The following ERMAP variants were observed in gnomAD, a reference collection of about 807,000 sequenced individuals.
The protein encoded by ERMAP is erythroblast membrane associated protein (Scianna blood group).
A neutral mutation model predicts 49.5 loss-of-function variants in ERMAP; 34 were observed. That is an observed-to-expected ratio of 0.69 (90% CI 0.52 to 0.91). The LOEUF (loss-of-function observed/expected upper bound fraction) is 0.91. Among genes scored for constraint, ERMAP ranks in the 40% least tolerant of loss-of-function variants. The pLI, the probability that ERMAP is intolerant of heterozygous loss-of-function variation, is 0.00. For synonymous variants in ERMAP, 214 were observed against 232.2 expected, an observed-to-expected ratio of 0.92 and a Z score of 0.71; for missense variants, 541 against 582.6, an observed-to-expected ratio of 0.93 and a Z score of 0.74.
At chr1:42,832,276 C>T (rs537366139) in intron 4 of ERMAP, among the ~76,000 whole-genome samples, 4 of 138,144 alleles carry the variant, frequency 2.9e-5, no homozygotes, top group East Asian at 5.0e-4. Context: ...ACTGCAACTT[C>T]GCCTCCTGGG....
intron 4 of ERMAP, among the ~76,000 whole-genome samples, chr1:42,831,589 T>G (rs1486255085): frequency 7.0e-6 from 1 of 143,252 alleles, no homozygotes; most frequent in Admixed American, 7.0e-5. Context: ...TTTTTTTTTT[T>G]TTTTTTTGTT....
At chr1:42,824,486 T>A (rs1430683839) in intron 1 of ERMAP, 1 of 152,228 alleles carries the variant, frequency 6.6e-6, no homozygotes, top group Non-Finnish European at 1.5e-5. Context: ...AGTGAATGAA[T>A]ATCCTAGTGC....
At chr1:42,817,622 G>A (rs1364635723) in intron 1 of ERMAP, 1 of 152,980 alleles carries the variant, frequency 6.5e-6, no homozygotes, top group Non-Finnish European at 1.4e-5. Flanking sequence ...AATTCGAAAA[G>A]TGGGGATTGA....
intron 4 of ERMAP, among the ~76,000 whole-genome samples, chr1:42,832,375 C>CA (rs1553149870): frequency 7.0e-6 from 1 of 143,798 alleles, no homozygotes; most frequent in African/African-American, 2.6e-5. Context: ...TTTCTTTTTT[C>CA]TTTTTTTTGG....
At chr1:42,833,737 A>G (rs1036656695) in intron 4 of ERMAP, among the ~76,000 whole-genome samples, 1 of 152,078 alleles carries the variant, frequency 6.6e-6, no homozygotes, top group African/African-American at 2.4e-5. Flanking sequence ...TTTTATTTAT[A>G]ATAAAGATGA....
chr1:42,835,429 G>T (rs1349807111), intron 5 of ERMAP, among the ~76,000 whole-genome samples: 2 of 152,146 alleles, frequency 1.3e-5, no homozygotes. Flanking sequence ...AATTAACTAA[G>T]AAATGAATTA....
chr1:42,818,333 C>G (rs1654303710), intron 1 of ERMAP, among the ~76,000 whole-genome samples: 1 of 152,130 alleles, frequency 6.6e-6, no homozygotes, highest in Non-Finnish European at 1.5e-5. Flanking sequence ...CTAAAGCAAT[C>G]AAAGTCTAAG....
intron 4 of ERMAP, among the ~76,000 whole-genome samples, chr1:42,834,123 C>T (rs1654825458): frequency 6.6e-6 from 1 of 152,220 alleles, no homozygotes; most frequent in South Asian, 2.1e-4. Context: ...TTGGGTCACA[C>T]AGCATTGAGC....
chr1:42,818,100 G>C (rs1654295715), intron 1 of ERMAP, among the ~76,000 whole-genome samples: 1 of 152,164 alleles, frequency 6.6e-6, no homozygotes. Context: ...AACCCTGTTT[G>C]GGTCCACTAT....
chr1:42,824,863 GC>G (rs1389272132), intron 1 of ERMAP: 1 of 152,204 alleles, frequency 6.6e-6, no homozygotes, highest in African/African-American at 2.4e-5. Flanking sequence ...TTTGTAGAAA[GC>G]CCCAAGACAG....
intron 1 of ERMAP, among the ~76,000 whole-genome samples, chr1:42,821,347 C>A (rs1654401119): frequency 6.6e-6 from 1 of 152,010 alleles, no homozygotes; most frequent in South Asian, 2.1e-4. Context: ...AGCATATAGA[C>A]CAAAAAAATT....
In ERMAP at chr1:42,830,916, C is replaced by A. The variant is rs1394856851; in HGVS notation, c.234C>A (p.His78Gln). 1.2e-6 allele frequency: 2 copies of A among 1,614,046 alleles called. No homozygotes were observed. The highest frequency in any genetic ancestry group is 1.7e-6 in the Non-Finnish European group (2 of 1,180,028). The change falls in exon 4 of 12, where the codon CAC becomes CAA. Residue 78 changes from histidine (H) to glutamine (Q), a missense_variant. Transcript: ENST00000372517. The part of the protein sequence containing the change: ...SPFPQRSQAV[H>Q]IFRDGKDQDE... ...TCCCGCAGCGCTCCCAGGCTGTTCA[C>A]ATATTCCGGGATGGGAAGGACCAGG...
At chr1:42,838,875 C>T (rs760719907) in intron 7 of ERMAP, 26 bp from the exon 8 acceptor site, 1 of 1,614,076 alleles carries the variant, frequency 6.2e-7, no homozygotes, top group Non-Finnish European at 8.5e-7. Context: ...TGATCACTCA[C>T]TCTTCTCTCT....
Position 42,843,066 on chromosome 1 carries a change from C to G in ERMAP, c.1262C>G (p.Ser421Ter), listed in dbSNP as rs1312974001. 1 of 1,614,060 alleles carries G rather than the reference C, an allele frequency of 6.2e-7. No individual in the cohort carries two copies. The highest frequency in any genetic ancestry group is 8.5e-7 in the Non-Finnish European group (1 of 1,180,038). The part of the protein sequence containing the change: ...ICSELHKSEE[S>*]IVPRPEGKGH... ...TCAGAACTACACAAATCAGAGGAAT[C>G]AATTGTCCCCAGGCCAGAAGGGAAA... Residue 421 changes from serine (S) to a stop codon, truncating the protein, a stop_gained, in exon 12 of 12, where the codon TCA (serine) becomes TGA (stop). Coordinates refer to ENST00000372517, the MANE Select transcript of ERMAP (RefSeq NM_001017922.2). LOFTEE classifies it high-confidence loss of function.
intron 2 of ERMAP, chr1:42,829,914 T>C (rs1349566806): frequency 6.4e-6 from 1 of 155,500 alleles, no homozygotes; most frequent in Non-Finnish European, 1.4e-5. Context: ...CAGGATGACA[T>C]GGAGGGACCT....
chr1:42,835,001 T>C, intron 4 of ERMAP, 37 bp from the exon 5 acceptor site: 1 of 854,032 alleles, frequency 1.2e-6, no homozygotes, highest in Non-Finnish European at 2.1e-6. Context: ...CTCTTAGACA[T>C]CTCCCTGAGG....
At chr1:42,840,392 T>A (rs992783609) in intron 11 of ERMAP, 96 bp downstream of exon 11, 14 of 1,483,546 alleles carry the variant, frequency 9.4e-6, no homozygotes, top group African/African-American at 1.4e-5. Flanking sequence ...GGAATGCAGG[T>A]AATTTAAAAA....
At chr1:42,836,139 T>C (rs148673723) in intron 6 of ERMAP, among the ~76,000 whole-genome samples, 1 of 152,052 alleles carries the variant, frequency 6.6e-6, no homozygotes, top group African/African-American at 2.4e-5. Context: ...GTTTTTGCCC[T>C]CCTGGAACTT....
At position 42,839,039 on chromosome 1, in the gene ERMAP, A is replaced by G. The variant is rs552304100; in HGVS notation, c.637+118A>G. ...GGAGGGGGTACTGGTAATTCAAGCC[A>G]TGGGGACTGGGGCTTTCTTGGCTCT... On this transcript the variant is annotated intron_variant, in intron 8 of 11. Coordinates refer to ENST00000372517, the MANE Select transcript of ERMAP (RefSeq NM_001017922.2). 1.8e-4 allele frequency: 281 copies of G among 1,529,494 alleles called. 2 individuals carry two copies. The African/African-American group carries it at 3.5e-3, about 19-fold the overall frequency. The allele number at this position is 1,529,494 out of a possible 1,614,324, so 94.7% of individuals were successfully genotyped here.
Sources: allele counts gnomAD v4.1 joint callset (sites outside exome capture counted in the v4.1 genomes callset), GRCh38; gene constraint gnomAD v4.1.1; transcripts MANE v1.5; gene names NCBI Gene and HGNC (gene_info 2026-07-23, HGNC 2026-07-21).